Variants in RIT2 observed in about 807,000 individuals in gnomAD.
RIT2 encodes the protein Ras like without CAAX 2, also known as GTP-binding protein Rit2.
Under a neutral mutation model 23.7 loss-of-function variants are expected in RIT2, and 24 were observed. The observed-to-expected ratio is 1.01, with a 90% CI of 0.73 to 1.43. RIT2 has a LOEUF of 1.43. Ranked by LOEUF, RIT2 falls within the 40% of genes most tolerant of loss-of-function variation. The pLI is 0.00. For synonymous variants in RIT2, 107 were observed against 91.1 expected, an observed-to-expected ratio of 1.17 and a Z score of -0.99; for missense variants, 236 against 266.9, an observed-to-expected ratio of 0.88 and a Z score of 0.81.
chr18:42,931,105 C>G (rs1326078645), intron 3 of RIT2, among the ~76,000 whole-genome samples: 2 of 152,048 alleles, frequency 1.3e-5, no homozygotes, highest in African/African-American at 2.4e-5. Flanking sequence ...TCTAACCTAC[C>G]TGAGCATCAT....
chr18:42,756,037 A>G (rs534232635), intron 4 of RIT2, among the ~76,000 whole-genome samples: 55 of 152,220 alleles, frequency 3.6e-4, no homozygotes, highest in Middle Eastern at 6.8e-3. Context: ...CTAAGGCAGA[A>G]GTGATCATGG....
chr18:42,776,413 A>G (rs1913673999), intron 4 of RIT2, among the ~76,000 whole-genome samples: 1 of 152,226 alleles, frequency 6.6e-6, no homozygotes, highest in South Asian at 2.1e-4. Context: ...AAAGGGTAAT[A>G]TTATTATCAT....
In RIT2 at chr18:42,923,688, G is replaced by T. The variant is rs962872061; in HGVS notation, c.310C>A (p.Arg104Ser). The change falls in exon 4 of 5, where the codon CGT becomes AGT. Residue 104 changes from arginine to serine, a missense_variant. Physicochemically the swap from Arg to Ser is moderately radical, Grantham distance 110. Coordinates refer to ENST00000326695, the MANE Select transcript of RIT2 (RefSeq NM_002930.4). ...TTGGCAGCCTCCTGAAATGATTGAC[G>T]GTCAGTGACGGAGTAGCAGATGATG... ...GFIICYSVTD[R>S]QSFQEAAKFK... is the part of the protein sequence containing the mutation. 5 of 1,612,860 alleles carry T rather than the reference G, an allele frequency of 3.1e-6. No individual in the cohort carries two copies. Among genetic ancestry groups the T allele is most frequent in the Non-Finnish European group, 3.4e-6 (4 of 1,179,558 alleles).
intron 4 of RIT2, among the ~76,000 whole-genome samples, chr18:42,912,781 A>C (rs1908804369): frequency 6.6e-6 from 1 of 151,986 alleles, no homozygotes; most frequent in Non-Finnish European, 1.5e-5. Context: ...AGAAGAGCTA[A>C]ATACTTGGAA....
intron 4 of RIT2, among the ~76,000 whole-genome samples, chr18:42,882,065 C>T (rs559156192): frequency 1.7e-4 from 26 of 152,254 alleles, no homozygotes; most frequent in Non-Finnish European, 3.1e-4. Context: ...TGGTTTACAC[C>T]TCTCTATTTC....
chr18:43,035,354 T>G (rs1665968903), intron 1 of RIT2, among the ~76,000 whole-genome samples: 1 of 152,158 alleles, frequency 6.6e-6, no homozygotes, highest in African/African-American at 2.4e-5. Flanking sequence ...TTAGAATACT[T>G]CAGGTAAACA....
chr18:43,050,490 G>A (rs1461505156), intron 1 of RIT2, among the ~76,000 whole-genome samples: 2 of 152,106 alleles, frequency 1.3e-5, no homozygotes, highest in Admixed American at 6.6e-5. Flanking sequence ...AGGTGGTGTG[G>A]TGTTATGGTG....
chr18:43,053,959 C>T (rs777362630), intron 1 of RIT2, among the ~76,000 whole-genome samples: 3 of 151,950 alleles, frequency 2.0e-5, no homozygotes, highest in Non-Finnish European at 4.4e-5. Context: ...GTATTTTGGA[C>T]CCTATCACAT....
At chr18:43,100,306 A>G (rs1196417609) in intron 1 of RIT2, among the ~76,000 whole-genome samples, 1 of 152,126 alleles carries the variant, frequency 6.6e-6, no homozygotes, top group Non-Finnish European at 1.5e-5. Flanking sequence ...AAGACCCTAA[A>G]AGGGAAGTGT....
chr18:42,937,990 T>C (rs964998542), intron 3 of RIT2, among the ~76,000 whole-genome samples: 2 of 152,090 alleles, frequency 1.3e-5, no homozygotes, highest in African/African-American at 4.8e-5. Context: ...GGGGATTACT[T>C]TGAGCTAAGG....
intron 3 of RIT2, among the ~76,000 whole-genome samples, chr18:42,958,392 T>C (rs1321277198): frequency 6.6e-6 from 1 of 152,140 alleles, no homozygotes; most frequent in Admixed American, 6.6e-5. Flanking sequence ...AATGTCCTTC[T>C]CACTGGCTGC....
At chr18:43,094,893 T>A (rs1234441381) in intron 1 of RIT2, among the ~76,000 whole-genome samples, 3 of 88,620 alleles carry the variant, frequency 3.4e-5, no homozygotes. Flanking sequence ...CACGAACTCA[T>A]TTTTTTTTTA....
At chr18:42,868,801 A>C (rs1330108346) in intron 4 of RIT2, among the ~76,000 whole-genome samples, 2 of 152,208 alleles carry the variant, frequency 1.3e-5, no homozygotes, top group South Asian at 4.1e-4. Flanking sequence ...GTAGTATTCA[A>C]GTGGAAATTG....
intron 4 of RIT2, among the ~76,000 whole-genome samples, chr18:42,798,649 G>A (rs1180875330): frequency 2.6e-5 from 4 of 152,222 alleles, no homozygotes; most frequent in Middle Eastern, 6.3e-3. Context: ...CAAGGGACAT[G>A]ACATTGCACC....
chr18:43,106,133 C>T (rs1348178501), intron 1 of RIT2, among the ~76,000 whole-genome samples: 1 of 152,190 alleles, frequency 6.6e-6, no homozygotes, highest in African/African-American at 2.4e-5. Flanking sequence ...AATAAATTAA[C>T]ATATTTAGTG....
chr18:43,066,900 T>C (rs1912783637), intron 1 of RIT2, among the ~76,000 whole-genome samples: 2 of 150,832 alleles, frequency 1.3e-5, no homozygotes, highest in South Asian at 4.2e-4. Context: ...GGAATAAGAC[T>C]GAAAATGTAG....
intron 4 of RIT2, among the ~76,000 whole-genome samples, chr18:42,756,346 G>A (rs972569171): frequency 1.6e-4 from 25 of 152,194 alleles, no homozygotes; most frequent in African/African-American, 5.3e-4. Flanking sequence ...TCTGAGACAC[G>A]GGATGGTAAT....
intron 1 of RIT2, among the ~76,000 whole-genome samples, chr18:43,086,990 C>G (rs1029170788): frequency 6.6e-6 from 1 of 152,094 alleles, no homozygotes; most frequent in Admixed American, 6.6e-5. Flanking sequence ...TGGTTCATAC[C>G]TGTAATCATA....
chr18:43,005,358 A>ACT (rs1911203110), intron 2 of RIT2, among the ~76,000 whole-genome samples: 1 of 151,860 alleles, frequency 6.6e-6, no homozygotes, highest in Non-Finnish European at 1.5e-5. Context: ...TTGTTTACAA[A>ACT]GGGAATATTT....
Sources: allele counts gnomAD v4.1 joint callset (sites outside exome capture counted in the v4.1 genomes callset), GRCh38; gene constraint gnomAD v4.1.1; transcripts MANE v1.5; gene names NCBI Gene and HGNC (gene_info 2026-07-23, HGNC 2026-07-21).